The following SEMA3E variants were observed in gnomAD, a reference collection of about 807,000 sequenced individuals.
SEMA3E encodes the protein semaphorin-3E.
Under a neutral mutation model 93.6 loss-of-function variants are expected in SEMA3E, and 49 were observed. The ratio of observed to expected loss-of-function variants is 0.52; its 90% CI spans 0.42 to 0.66. The LOEUF (loss-of-function observed/expected upper bound fraction) is 0.66, where lower values mean the gene tolerates loss of function less well. Among genes scored for constraint, SEMA3E ranks in the 30% least tolerant of loss-of-function variants. The pLI, the probability that SEMA3E is intolerant of heterozygous loss-of-function variation, is 0.00. For synonymous variants in SEMA3E, 363 were observed against 330.7 expected, an observed-to-expected ratio of 1.10 and a Z score of -1.06; for missense variants, 906 against 964.8, an observed-to-expected ratio of 0.94 and a Z score of 0.81.
intron 4 of SEMA3E, among the ~76,000 whole-genome samples, chr7:83,437,372 C>T (rs371881924): frequency 6.6e-6 from 1 of 151,884 alleles, no homozygotes; most frequent in African/African-American, 2.4e-5. Flanking sequence ...TTGTATAAAA[C>T]CTTTGTGGGA....
At chr7:83,419,035 C>A (rs908941269) in intron 4 of SEMA3E, among the ~76,000 whole-genome samples, 4 of 151,946 alleles carry the variant, frequency 2.6e-5, no homozygotes, top group African/African-American at 7.3e-5. Flanking sequence ...TTTGTCAGCC[C>A]CTGCCCCCCT....
intron 4 of SEMA3E, among the ~76,000 whole-genome samples, chr7:83,436,973 G>A (rs964322781): frequency 6.6e-6 from 1 of 152,262 alleles, no homozygotes; most frequent in African/African-American, 2.4e-5. Context: ...GTCTTACATG[G>A]ATGGCAGCAA....
intron 1 of SEMA3E, 83 bp downstream of exon 1, chr7:83,648,345 G>A: frequency 1.0e-6 from 1 of 991,268 alleles, no homozygotes; most frequent in South Asian, 1.4e-5. Flanking sequence ...ATAAGCCTAT[G>A]TTAATGTTAA....
intron 16 of SEMA3E, among the ~76,000 whole-genome samples, chr7:83,376,093 C>T (rs935088539): frequency 1.3e-5 from 2 of 151,858 alleles, no homozygotes; most frequent in African/African-American, 2.4e-5. Flanking sequence ...AAAAAGAATG[C>T]CAAAACTACG....
At chr7:83,463,752 G>A (rs1423078891) in intron 4 of SEMA3E, among the ~76,000 whole-genome samples, 8 of 151,832 alleles carry the variant, frequency 5.3e-5, no homozygotes, top group South Asian at 2.1e-4. Flanking sequence ...CCTTTCCATC[G>A]TGGAAATCTA....
rs143423970 is a variant in SEMA3E, at chr7:83,367,635, C to T, written c.2279G>A (p.Arg760His). 33 of 1,614,136 alleles carry T rather than the reference C, an allele frequency of 2.0e-5. No individual in the cohort carries two copies. The highest frequency in any genetic ancestry group is 1.6e-4 in the Middle Eastern group (1 of 6,062). Reference protein sequence around the residue: ...KYANPQEKKLRSKPEHYRLPR... With the variant: ...KYANPQEKKLHSKPEHYRLPR... Reference sequence around the variant, plus strand: ...CAGGCGGTAATGCTCAGGTTTGGAACGGAGCTTCTTTTCCTGAGGGTTGGC... The same window carrying T: ...CAGGCGGTAATGCTCAGGTTTGGAATGGAGCTTCTTTTCCTGAGGGTTGGC... Residue 760 changes from arginine (R) to histidine (H), a missense_variant, in exon 17 of 17, where the codon CGT becomes CAT. Physicochemically the swap from Arg to His is conservative, Grantham distance 29 (BLOSUM62 0). Transcript: ENST00000643230.
At chr7:83,511,756 A>G (rs1342863192) in intron 1 of SEMA3E, among the ~76,000 whole-genome samples, 2 of 152,020 alleles carry the variant, frequency 1.3e-5, no homozygotes, top group African/African-American at 2.4e-5. Context: ...TTGCCCAGGC[A>G]TGGTGGTGGG....
chr7:83,633,447 G>A (rs995471195), intron 1 of SEMA3E, among the ~76,000 whole-genome samples: 1 of 152,036 alleles, frequency 6.6e-6, no homozygotes, highest in Admixed American at 6.6e-5. Flanking sequence ...GCTTAACATT[G>A]GAAAAAAATT....
chr7:83,503,460 T>G (rs1433159839), intron 1 of SEMA3E, among the ~76,000 whole-genome samples: 1 of 152,196 alleles, frequency 6.6e-6, no homozygotes, highest in African/African-American at 2.4e-5. Context: ...AAATATTTTA[T>G]TCTTACTATT....
intron 4 of SEMA3E, among the ~76,000 whole-genome samples, chr7:83,420,769 A>G (rs1788657152): frequency 6.6e-6 from 1 of 152,230 alleles, no homozygotes; most frequent in African/African-American, 2.4e-5. Flanking sequence ...CTGGCTAGCC[A>G]TACGCAGAAG....
intron 1 of SEMA3E, among the ~76,000 whole-genome samples, chr7:83,588,554 T>G (rs925356413): frequency 6.6e-6 from 1 of 152,140 alleles, no homozygotes. Flanking sequence ...AATTAGAATA[T>G]TAAAGCAATG....
intron 1 of SEMA3E, among the ~76,000 whole-genome samples, chr7:83,623,395 G>T (rs1169365592): frequency 1.3e-5 from 2 of 152,018 alleles, no homozygotes; most frequent in African/African-American, 4.8e-5. Context: ...TAAGCAACAT[G>T]TACAACATGA....
chr7:83,531,769 A>G (rs1476401101), intron 1 of SEMA3E, among the ~76,000 whole-genome samples: 4 of 152,192 alleles, frequency 2.6e-5, no homozygotes, highest in Non-Finnish European at 1.5e-5. Context: ...TGAGCGTAAA[A>G]ATGAATAAAT....
intron 1 of SEMA3E, among the ~76,000 whole-genome samples, chr7:83,599,814 G>A (rs755698905): frequency 2.1e-4 from 32 of 152,078 alleles, no homozygotes; most frequent in Non-Finnish European, 3.7e-4. Flanking sequence ...GATGGTGTCC[G>A]TGTATGTTTG....
At chr7:83,402,543 TTATCTG>T in intron 10 of SEMA3E, 83 bp downstream of exon 10, 1 of 1,226,656 alleles carries the variant, frequency 8.2e-7, no homozygotes. Context: ...CCTTAATTGT[TTATCTG>T]CAAAGTCTTA....
At chr7:83,621,979 A>G (rs1414968565) in intron 1 of SEMA3E, among the ~76,000 whole-genome samples, 4 of 152,208 alleles carry the variant, frequency 2.6e-5, no homozygotes, top group Non-Finnish European at 5.9e-5. Context: ...ACAAATGCAA[A>G]TCTTGATAAA....
intron 4 of SEMA3E, among the ~76,000 whole-genome samples, chr7:83,449,454 T>C (rs1456888156): frequency 6.6e-6 from 1 of 151,912 alleles, no homozygotes; most frequent in African/African-American, 2.4e-5. Context: ...TTTATATTCA[T>C]TTTTTATATT....
chr7:83,587,459 T>C (rs1792654451), intron 1 of SEMA3E, among the ~76,000 whole-genome samples: 1 of 152,190 alleles, frequency 6.6e-6, no homozygotes, highest in Admixed American at 6.6e-5. Context: ...ATGAAAGTCT[T>C]CCACTTAGAA....
At chr7:83,507,160 A>T (rs1324075479) in intron 1 of SEMA3E, among the ~76,000 whole-genome samples, 1 of 152,156 alleles carries the variant, frequency 6.6e-6, no homozygotes, top group African/African-American at 2.4e-5. Flanking sequence ...GCCATCCATC[A>T]TCTAGTCAAA....
Sources: gnomAD v4.1 joint callset for allele counts (sites outside exome capture counted in the v4.1 genomes callset) on GRCh38, gnomAD v4.1.1 for gene constraint, MANE v1.5 for transcripts, NCBI Gene and HGNC (gene_info 2026-07-23, HGNC 2026-07-21) for gene names.